PXDNL: variants seen among roughly 807,000 people sequenced by gnomAD.
The protein encoded by PXDNL is peroxidasin like, also known as probable oxidoreductase PXDNL.
PXDNL carries 145 observed loss-of-function variants against 150.8 expected under a neutral mutation model. The ratio of observed to expected loss-of-function variants is 0.96; its 90% confidence interval spans 0.84 to 1.10. The LOEUF (loss-of-function observed/expected upper bound fraction) is 1.10, where lower values mean the gene tolerates loss of function less well. Among genes scored for constraint, PXDNL ranks in the 50% least tolerant of loss-of-function variants. PXDNL has a pLI of 0.00. For synonymous variants in PXDNL, 757 were observed against 725.7 expected, an observed-to-expected ratio of 1.04 and a Z score of -0.69; for missense variants, 2,087 against 1,873.9, an observed-to-expected ratio of 1.11 and a Z score of -2.10.
At chr8:51,402,408 A>G (rs1170507475) in intron 17 of PXDNL, among the ~76,000 whole-genome samples, 2 of 151,920 alleles carry the variant, frequency 1.3e-5, no homozygotes, top group Non-Finnish European at 2.9e-5. Flanking sequence ...AATCCCAGCT[A>G]CTCGGGAGGC....
intron 4 of PXDNL, among the ~76,000 whole-genome samples, chr8:51,525,547 A>T (rs1811753518): frequency 6.6e-6 from 1 of 152,190 alleles, no homozygotes; most frequent in African/African-American, 2.4e-5. Context: ...TAACATGGAG[A>T]CAGAAGGAAA....
At chr8:51,379,709 A>C (rs574182238) in intron 17 of PXDNL, among the ~76,000 whole-genome samples, 41 of 152,100 alleles carry the variant, frequency 2.7e-4, no homozygotes, top group Non-Finnish European at 5.0e-4. Context: ...AATTTTGTGT[A>C]CCTTACTAAA....
At chr8:51,500,487 A>G (rs1019768977) in intron 4 of PXDNL, among the ~76,000 whole-genome samples, 6 of 152,256 alleles carry the variant, frequency 3.9e-5, no homozygotes, top group African/African-American at 1.4e-4. Context: ...TCCAAAGCAG[A>G]CAGTTGAGCA....
At chr8:51,523,139 G>T (rs1203744262) in intron 4 of PXDNL, among the ~76,000 whole-genome samples, 1 of 152,088 alleles carries the variant, frequency 6.6e-6, no homozygotes, top group African/African-American at 2.4e-5. Flanking sequence ...AAAACAGAGC[G>T]TAAGAGGAGC....
Position 51,697,172 on chromosome 8 carries a change from C to T in PXDNL, c.165-42412G>A, listed in dbSNP as rs1282624210. ...TACAAAACTTAGCCGAGCGTGGTGG[C>T]GGGCGCCTGTAATTCCAGCTACTTA... On this transcript the variant is annotated intron_variant, in intron 1 of 22. Coordinates refer to ENST00000356297, the MANE Select transcript of PXDNL (RefSeq NM_144651.5). Among the ~76,000 whole-genome samples, 4 of 151,834 alleles carry T rather than the reference C, an allele frequency of 2.6e-5. No individual in the cohort carries two copies. In the East Asian group the frequency reaches 5.8e-4, roughly 22 times the overall value.
intron 1 of PXDNL, among the ~76,000 whole-genome samples, chr8:51,744,288 A>AGAAG (rs71237234): frequency 7.3e-5 from 2 of 27,520 alleles, no homozygotes; most frequent in Non-Finnish European, 1.9e-4. Flanking sequence ...AAGGAAGGAA[A>AGAAG]GAAGGAAGAA....
At chr8:51,642,658 T>G (rs1203744419) in intron 2 of PXDNL, among the ~76,000 whole-genome samples, 1 of 152,090 alleles carries the variant, frequency 6.6e-6, no homozygotes, top group Non-Finnish European at 1.5e-5. Flanking sequence ...CACTCACCAC[T>G]CCTATTCAAC....
At chr8:51,359,279 AAT>A (rs1457991445) in intron 19 of PXDNL, among the ~76,000 whole-genome samples, 1 of 142,770 alleles carries the variant, frequency 7.0e-6, no homozygotes, top group East Asian at 1.9e-4. Flanking sequence ...TAGTAACAAT[AAT>A]AAATAATAAT....
chr8:51,508,083 C>T (rs1203303329), intron 4 of PXDNL, among the ~76,000 whole-genome samples: 6 of 152,008 alleles, frequency 3.9e-5, no homozygotes, highest in Admixed American at 2.6e-4. Flanking sequence ...TGAGGAAGAC[C>T]CTGCACAGGA....
At chr8:51,478,509 C>T (rs1810530421) in intron 6 of PXDNL, among the ~76,000 whole-genome samples, 2 of 152,146 alleles carry the variant, frequency 1.3e-5, no homozygotes, top group South Asian at 4.1e-4. Context: ...CACTTTTAAA[C>T]AAAACAAAAT....
intron 1 of PXDNL, among the ~76,000 whole-genome samples, chr8:51,700,076 G>A (rs1816220137): frequency 6.6e-6 from 1 of 152,028 alleles, no homozygotes; most frequent in African/African-American, 2.4e-5. Context: ...ACTTGCTGGA[G>A]GCAGGGTAGT....
At chr8:51,601,956 G>C (rs1224280775) in intron 2 of PXDNL, among the ~76,000 whole-genome samples, 2 of 151,936 alleles carry the variant, frequency 1.3e-5, no homozygotes, top group Non-Finnish European at 2.9e-5. Context: ...GTCTGGAAAA[G>C]ATTTTATTTC....
At chr8:51,376,810 C>T (rs1226951240) in intron 17 of PXDNL, among the ~76,000 whole-genome samples, 2 of 151,824 alleles carry the variant, frequency 1.3e-5, no homozygotes, top group African/African-American at 2.4e-5. Flanking sequence ...GCTCCACCTC[C>T]CGGGTTCACG....
At chr8:51,531,767 G>T (rs1447116913) in intron 4 of PXDNL, among the ~76,000 whole-genome samples, 2 of 152,218 alleles carry the variant, frequency 1.3e-5, no homozygotes, top group Non-Finnish European at 2.9e-5. Context: ...AGTCTTGGAG[G>T]TGATAGAAGA....
intron 1 of PXDNL, among the ~76,000 whole-genome samples, chr8:51,687,495 G>C (rs557995868): frequency 1.2e-4 from 18 of 152,254 alleles, no homozygotes; most frequent in African/African-American, 3.9e-4. Flanking sequence ...AAAAATGAGT[G>C]TTGCTTCTTT....
intron 5 of PXDNL, among the ~76,000 whole-genome samples, chr8:51,486,970 A>G (rs2130197768): frequency 6.6e-6 from 1 of 150,778 alleles, no homozygotes; most frequent in Non-Finnish European, 1.5e-5. Context: ...AATTTTTTGT[A>G]TTTTTGTAGA....
chr8:51,415,992 T>A (rs76332729), intron 14 of PXDNL, among the ~76,000 whole-genome samples: 4,577 of 152,332 alleles, frequency 0.03, 107 homozygotes, highest in Non-Finnish European at 0.047. Flanking sequence ...TTTACTTTTA[T>A]CTTAGAAATA....
At chr8:51,508,883 T>C (rs2130332564) in intron 4 of PXDNL, among the ~76,000 whole-genome samples, 1 of 152,338 alleles carries the variant, frequency 6.6e-6, no homozygotes. Flanking sequence ...CTTCTAGTTG[T>C]TTAGGGCAAG....
intron 12 of PXDNL, among the ~76,000 whole-genome samples, chr8:51,441,170 G>A (rs1006152222): frequency 6.6e-6 from 1 of 152,086 alleles, no homozygotes; most frequent in Admixed American, 6.6e-5. Context: ...CCCTCTGCTC[G>A]GCACTCATTC....
Sources: gnomAD v4.1 joint callset for allele counts (sites outside exome capture counted in the v4.1 genomes callset) on GRCh38, gnomAD v4.1.1 for gene constraint, MANE v1.5 for transcripts, NCBI Gene and HGNC (gene_info 2026-07-23, HGNC 2026-07-21) for gene names.